The following A2ML1 variants were observed in gnomAD, a reference collection of about 807,000 sequenced individuals.
A2ML1 encodes alpha-2-macroglobulin-like protein 1.
A2ML1 carries 161 observed loss-of-function variants against 181.9 expected under a neutral mutation model. The ratio of observed to expected loss-of-function variants is 0.89; its 90% CI spans 0.78 to 1.01. The LOEUF (loss-of-function observed/expected upper bound fraction) is 1.01. Among genes scored for constraint, A2ML1 ranks in the 50% least tolerant of loss-of-function variants. The probability of loss-of-function intolerance (pLI) is 0.00; values close to 1 mark genes in which losing one functional copy is unlikely to be tolerated. For synonymous variants in A2ML1, 663 were observed against 666.8 expected (o/e 0.99, Z 0.09); for missense variants, 1,670 against 1,768.1 (o/e 0.94, Z 1.00).
chr12:8,864,267 C>T (rs1368502953), intron 29 of A2ML1, among the ~76,000 whole-genome samples: 3 of 125,900 alleles, frequency 2.4e-5, no homozygotes, highest in African/African-American at 8.6e-5. Context: ...CATCGCAGCA[C>T]TTTGAGAGGC....
At chr12:8,871,228 TC>T (rs947086830) in intron 33 of A2ML1, among the ~76,000 whole-genome samples, 3 of 152,240 alleles carry the variant, frequency 2.0e-5, no homozygotes, top group African/African-American at 7.2e-5. Flanking sequence ...GTCTTCATGA[TC>T]CTGATTGCCT....
intron 4 of A2ML1, among the ~76,000 whole-genome samples, chr12:8,832,892 C>T (rs2136747853): frequency 6.6e-6 from 1 of 152,038 alleles, no homozygotes; most frequent in Admixed American, 6.6e-5. Flanking sequence ...TAAAGTAAGC[C>T]TGATATTAAC....
chr12:8,852,343 G>T lies in A2ML1; in HGVS notation c.2590+7G>T. ...ATCACAGCTGTCAAATTGGGTAAGA[G>T]AGGGAAGTGGTAGACGGGCGAGGAA... On this transcript the variant is annotated splice_region_variant and intron_variant, in intron 20 of 35. Coordinates refer to ENST00000299698, the MANE Select transcript of A2ML1 (RefSeq NM_144670.6). This position sits in a 1 kb window ranked among gnomAD's most constrained non-coding sequence, Gnocchi z 4.2. 1 of 1,614,050 alleles carries T rather than the reference G, an allele frequency of 6.2e-7. No individual in the cohort carries two copies. The highest frequency in any genetic ancestry group is 2.2e-5 in the East Asian group (1 of 44,886).
rs1157441940 is a variant in A2ML1 at position 8,852,417 on chromosome 12, C to T, written c.2590+81C>T. ...CTGAGCACTCAGTCTTTTCCTCTGC[C>T]ACATCTGCTTTGCTTCCTCCTCCAT... On this transcript the variant is annotated intron_variant, in intron 20 of 35. Coordinates refer to ENST00000299698, the MANE Select transcript of A2ML1 (RefSeq NM_144670.6). This position sits in a 1 kb window ranked among gnomAD's most constrained non-coding sequence, Gnocchi z 4.2. The T allele has an allele frequency of 6.3e-7, 1 of 1,576,012 alleles. No individual in the cohort carries two copies. Among genetic ancestry groups the T allele is most frequent in the Non-Finnish European group, 8.6e-7 (1 of 1,156,952 alleles).
chr12:8,860,104 G>A (rs1019937322), intron 26 of A2ML1, among the ~76,000 whole-genome samples: 4 of 151,926 alleles, frequency 2.6e-5, no homozygotes, highest in African/African-American at 4.8e-5. Flanking sequence ...GCAGTGGCAC[G>A]ATCATGGCTC....
At chr12:8,871,605 G>A (rs1009305336) in intron 33 of A2ML1, among the ~76,000 whole-genome samples, 7 of 151,884 alleles carry the variant, frequency 4.6e-5, no homozygotes, top group Admixed American at 2.6e-4. Flanking sequence ...GAGCCACCAC[G>A]CCTGGCCTCT....
rs763390245 is a variant in A2ML1, at chr12:8,842,370, C to T, written c.1249-764C>T. On this transcript the variant is annotated intron_variant, in intron 11 of 35. Coordinates refer to ENST00000299698, the MANE Select transcript of A2ML1 (RefSeq NM_144670.6). ...AGTAGCTGGGACTACAGGCGCCTGC[C>T]ACCACGCCCGGCTAATTTTTTGTAT... is the stretch of plus-strand genomic sequence containing the variant. Among the ~76,000 whole-genome samples, 58 of 150,298 alleles carry T rather than the reference C, an allele frequency of 3.9e-4. No individual in the cohort carries two copies. In the East Asian group the frequency reaches 5.4e-3, roughly 14 times the overall value.
downstream of A2ML1, among the ~76,000 whole-genome samples, chr12:8,880,985 C>T (rs1323929638): frequency 2.6e-5 from 4 of 152,038 alleles, no homozygotes; most frequent in Admixed American, 6.6e-5. Context: ...GAAAACAACA[C>T]GATGGGTAAA....
intron 22 of A2ML1, 63 bp downstream of exon 22, chr12:8,854,894 T>C (rs1944009557): frequency 6.8e-7 from 1 of 1,465,496 alleles, no homozygotes; most frequent in Non-Finnish European, 9.3e-7. Context: ...GATTTTCTTT[T>C]CATTTTTTTT....
chr12:8,830,861 C>T (rs1306877152), intron 4 of A2ML1: 1 of 152,070 alleles, frequency 6.6e-6, no homozygotes, highest in East Asian at 1.9e-4. Flanking sequence ...ACTCTCTTTC[C>T]CAATATAGAT....
At chr12:8,846,548 A>G (rs1285639102) in intron 14 of A2ML1, among the ~76,000 whole-genome samples, 2 of 152,068 alleles carry the variant, frequency 1.3e-5, no homozygotes, top group African/African-American at 4.8e-5. Context: ...GTACAAAAAA[A>G]TTTTTAATTA....
intron 7 of A2ML1, among the ~76,000 whole-genome samples, chr12:8,836,949 G>C (rs2377599): frequency 3.9e-5 from 6 of 152,224 alleles, no homozygotes; most frequent in African/African-American, 7.2e-5. Flanking sequence ...AATTGTGGAA[G>C]TGGGTCTACT....
Position 8,852,145 on chromosome 12 carries a change from T to C in A2ML1, c.2464-65T>C, listed in dbSNP as rs2136880780. 3 of 1,600,968 alleles carry C rather than the reference T, an allele frequency of 1.9e-6. No individual in the cohort carries two copies. Among genetic ancestry groups the C allele is most frequent in the East Asian group, 2.2e-5 (1 of 44,730 alleles). Reference sequence around the variant, plus strand: ...GATGTCGGCGTCTCAGCCCCCAGGTTTCCCCAGGCCTCTATGCACTACCTC... The same window carrying C: ...GATGTCGGCGTCTCAGCCCCCAGGTCTCCCCAGGCCTCTATGCACTACCTC... On this transcript the variant is annotated intron_variant, in intron 19 of 35. Transcript: ENST00000299698. The surrounding 1 kb of genome is among the most constrained non-coding windows in gnomAD (Gnocchi z 4.2).
In A2ML1 at chr12:8,835,490, G is replaced by C. The variant is rs771860379; in HGVS notation, c.484-17G>C. 7 of 1,613,352 alleles carry C rather than the reference G, an allele frequency of 4.3e-6. No individual in the cohort carries two copies. In the East Asian group the frequency reaches 1.6e-4, roughly 36 times the overall value. On this transcript the variant is annotated splice_polypyrimidine_tract_variant and intron_variant, in intron 5 of 35. Coordinates refer to ENST00000299698, the MANE Select transcript of A2ML1 (RefSeq NM_144670.6). Reference sequence around the variant, plus strand: ...AGCAAACGGGCAGGCACATCATGCAGTTTCTCTATTGGACAGGATCCAAAT... The same window carrying C: ...AGCAAACGGGCAGGCACATCATGCACTTTCTCTATTGGACAGGATCCAAAT...
At position 8,848,855 on chromosome 12, in the gene A2ML1, C is replaced by G. The variant is rs1449723526; in HGVS notation, c.1969C>G (p.Arg657Gly). The G allele has an allele frequency of 5.3e-5, 86 of 1,614,144 alleles. No homozygotes were observed. The highest frequency in any genetic ancestry group is 7.2e-5 in the Non-Finnish European group (85 of 1,180,014). Residue 657 changes from arginine to glycine, a missense_variant, in exon 16 of 36, where the codon CGT becomes GGT. Arg to Gly is a moderately radical substitution (Grantham distance 125, BLOSUM62 -2). Coordinates refer to ENST00000299698, the MANE Select transcript of A2ML1 (RefSeq NM_144670.6). ...DPMPQGHSSQ[R>G]SIIWRPSFSE... The stretch of plus-strand genomic sequence containing the variant: ...AATGCCCCAAGGGCATTCGAGCCAG[C>G]GTTCCATTATCTGGAGGCCCTCGTT...
At chr12:8,858,742 T>G (rs1042404849) in intron 26 of A2ML1, among the ~76,000 whole-genome samples, 1 of 152,000 alleles carries the variant, frequency 6.6e-6, no homozygotes, top group Non-Finnish European at 1.5e-5. Context: ...GGCCAGAAAT[T>G]TGTGTTTTGA....
At position 8,854,768 on chromosome 12, in the gene A2ML1, T is replaced by G. The variant is rs755137046; in HGVS notation, c.2713-12T>G. The G allele has an allele frequency of 1.2e-5, 19 of 1,614,148 alleles. No homozygotes were observed. In the East Asian group the frequency reaches 4.2e-4, roughly 36 times the overall value. Reference sequence around the variant, plus strand: ...TCTTTGTTGTTTTTATCTGTGTCTCTCTTCATCGCAGCCTGAGGGAGTCCT... The same window carrying G: ...TCTTTGTTGTTTTTATCTGTGTCTCGCTTCATCGCAGCCTGAGGGAGTCCT... On this transcript the variant is annotated splice_polypyrimidine_tract_variant and intron_variant, in intron 21 of 35. Coordinates refer to ENST00000299698, the MANE Select transcript of A2ML1 (RefSeq NM_144670.6).
At chr12:8,837,321 G>T (rs1943315462) in intron 7 of A2ML1, 119 bp from the exon 8 acceptor site, 1 of 1,428,988 alleles carries the variant, frequency 7.0e-7, no homozygotes, top group Non-Finnish European at 9.6e-7. Flanking sequence ...CACTGGCCCA[G>T]ATTGTCAGAG....
chr12:8,844,857 TG>T, intron 12 of A2ML1: 1 of 437,806 alleles, frequency 2.3e-6, no homozygotes, highest in Non-Finnish European at 3.4e-6. Context: ...TGGCTAATGC[TG>T]GGCAGGCGTC....
Sources: gnomAD v4.1 joint callset for allele counts (sites outside exome capture counted in the v4.1 genomes callset) on GRCh38, gnomAD v4.1.1 for gene constraint, Gnocchi (gnomAD v3.1) non-coding constraint, MANE v1.5 for transcripts, NCBI Gene and HGNC (gene_info 2026-07-23, HGNC 2026-07-21) for gene names.